SPOCK3: variants seen among roughly 807,000 people sequenced by gnomAD.
The protein encoded by SPOCK3 is SPARC (osteonectin), cwcv and kazal like domains proteoglycan 3, also known as testican-3.
In SPOCK3, 30 loss-of-function variants were observed where a neutral mutation model predicts 56.6. The ratio of observed to expected loss-of-function variants is 0.53; its 90% CI spans 0.40 to 0.72. SPOCK3 has a LOEUF of 0.72. Ranked by LOEUF, SPOCK3 falls within the 30% of genes least tolerant of loss-of-function variation. The pLI, the probability that SPOCK3 is intolerant of heterozygous loss-of-function variation, is 0.00. For missense variants in SPOCK3, 527 were observed against 530.0 expected (o/e 0.99, Z 0.06); for synonymous variants, 196 against 183.3 (o/e 1.07, Z -0.56).
chr4:166,754,795 A>T, intron 7 of SPOCK3, 66 bp from the exon 8 acceptor site: 1 of 1,476,000 alleles, frequency 6.8e-7, no homozygotes, highest in Non-Finnish European at 9.4e-7. Flanking sequence ...AAGCAAAATA[A>T]GTCAACATAG....
intron 3 of SPOCK3, among the ~76,000 whole-genome samples, chr4:167,036,533 G>A (rs993715555): frequency 9.2e-5 from 14 of 152,138 alleles, no homozygotes; most frequent in African/African-American, 3.1e-4. Context: ...ATTTTAGGCT[G>A]TTATTTAGTG....
chr4:166,807,955 C>T (rs1743353142), intron 6 of SPOCK3, among the ~76,000 whole-genome samples: 1 of 151,650 alleles, frequency 6.6e-6, no homozygotes, highest in African/African-American at 2.4e-5. Flanking sequence ...AATTAGGGAC[C>T]ATTTTATCTT....
At chr4:166,768,059 C>T (rs879137923) in intron 7 of SPOCK3, among the ~76,000 whole-genome samples, 13 of 151,974 alleles carry the variant, frequency 8.6e-5, no homozygotes, top group African/African-American at 3.1e-4. Context: ...TCCTCCATCC[C>T]TTTATTTTGA....
At chr4:166,791,688 T>C (rs1467137898) in intron 7 of SPOCK3, among the ~76,000 whole-genome samples, 1 of 152,020 alleles carries the variant, frequency 6.6e-6, no homozygotes, top group African/African-American at 2.4e-5. Context: ...TATATGGCTC[T>C]TTTTTTTCCT....
chr4:166,840,770 AGT>A (rs1747163401), intron 6 of SPOCK3, among the ~76,000 whole-genome samples: 2 of 81,332 alleles, frequency 2.5e-5, no homozygotes, highest in South Asian at 7.1e-4. Context: ...CAGAAGCAAA[AGT>A]TTTTTTTTTT....
At chr4:166,817,340 C>A (rs1744479491) in intron 6 of SPOCK3, among the ~76,000 whole-genome samples, 1 of 152,024 alleles carries the variant, frequency 6.6e-6, no homozygotes, top group South Asian at 2.1e-4. Context: ...AACCTTTTTA[C>A]TCTCAAGGGA....
At chr4:167,204,394 G>T (rs531148858) in intron 2 of SPOCK3, among the ~76,000 whole-genome samples, 1 of 152,164 alleles carries the variant, frequency 6.6e-6, no homozygotes, top group South Asian at 2.1e-4. Flanking sequence ...CACATAGCTG[G>T]GGAGGCCTCA....
intron 6 of SPOCK3, among the ~76,000 whole-genome samples, chr4:166,885,935 A>G (rs1734149212): frequency 6.6e-6 from 1 of 152,154 alleles, no homozygotes; most frequent in African/African-American, 2.4e-5. Flanking sequence ...TCATATGTCT[A>G]AAGTTTACTG....
intron 4 of SPOCK3, among the ~76,000 whole-genome samples, chr4:166,968,929 G>T (rs1326395265): frequency 6.6e-6 from 1 of 152,186 alleles, no homozygotes; most frequent in East Asian, 1.9e-4. Flanking sequence ...CAGAGCCACA[G>T]GGGTGGAGCT....
At chr4:166,851,696 G>C (rs1017728324) in intron 6 of SPOCK3, among the ~76,000 whole-genome samples, 11 of 152,050 alleles carry the variant, frequency 7.2e-5, no homozygotes, top group African/African-American at 1.2e-4. Flanking sequence ...TACACTGTTG[G>C]TGGGACTGTA....
chr4:166,784,535 T>C (rs1330748413), intron 7 of SPOCK3, among the ~76,000 whole-genome samples: 1 of 152,092 alleles, frequency 6.6e-6, no homozygotes, highest in Non-Finnish European at 1.5e-5. Flanking sequence ...ATGATATGGA[T>C]CTCTCATTTT....
chr4:167,138,044 T>C (rs1349016579), intron 2 of SPOCK3, among the ~76,000 whole-genome samples: 1 of 151,828 alleles, frequency 6.6e-6, no homozygotes, highest in East Asian at 1.9e-4. Context: ...GTTTTGACTC[T>C]AATAGTATTT....
intron 7 of SPOCK3, among the ~76,000 whole-genome samples, chr4:166,778,723 A>G (rs540980610): frequency 2.1e-5 from 3 of 140,052 alleles, no homozygotes; most frequent in Non-Finnish European, 1.6e-5. Flanking sequence ...TGAATTCTAG[A>G]CTTTTTTTTT....
At chr4:167,147,330 AAAAAAGTC>A (rs1170743352) in intron 2 of SPOCK3, among the ~76,000 whole-genome samples, 1 of 152,122 alleles carries the variant, frequency 6.6e-6, no homozygotes, top group African/African-American at 2.4e-5. Flanking sequence ...CTCCCAACCA[AAAAAAGTC>A]CAGGACCAGT....
intron 8 of SPOCK3, among the ~76,000 whole-genome samples, chr4:166,751,957 CAATTAA>C (rs928045071): frequency 2.6e-5 from 4 of 152,098 alleles, no homozygotes; most frequent in African/African-American, 9.7e-5. Flanking sequence ...ATTTGTTTCT[CAATTAA>C]AATTATAACA....
chr4:167,078,036 T>C (rs1175498671), intron 2 of SPOCK3, among the ~76,000 whole-genome samples: 1 of 151,946 alleles, frequency 6.6e-6, no homozygotes, highest in Non-Finnish European at 1.5e-5. Flanking sequence ...TAGAGAGTCA[T>C]GGTAGCAACA....
chr4:167,129,776 T>C (rs941261118), intron 2 of SPOCK3, among the ~76,000 whole-genome samples: 13 of 152,116 alleles, frequency 8.5e-5, no homozygotes, highest in African/African-American at 3.1e-4. Context: ...AAATAAAATA[T>C]AAATTTGTCA....
intron 2 of SPOCK3, among the ~76,000 whole-genome samples, chr4:167,231,271 G>A (rs1433703390): frequency 1.3e-5 from 2 of 151,950 alleles, no homozygotes; most frequent in Admixed American, 6.6e-5. Context: ...TCATTAAGGA[G>A]TCACTTGTTA....
chr4:166,876,035 G>A (rs572220038), intron 6 of SPOCK3, among the ~76,000 whole-genome samples: 2 of 152,284 alleles, frequency 1.3e-5, no homozygotes, highest in South Asian at 4.1e-4. Context: ...TGAGGAGCAC[G>A]GGGCTCAGGA....
Sources: allele counts gnomAD v4.1 joint callset (sites outside exome capture counted in the v4.1 genomes callset), GRCh38; gene constraint gnomAD v4.1.1; transcripts MANE v1.5; gene names NCBI Gene and HGNC (gene_info 2026-07-23, HGNC 2026-07-21).